The following EYS variants were observed in gnomAD, a reference collection of about 807,000 sequenced individuals.
EYS encodes the protein protein eyes shut homolog.
In EYS, 250 loss-of-function variants were observed where a neutral mutation model predicts 282.1. The observed-to-expected ratio is 0.89, with a 90% CI of 0.80 to 0.98. The LOEUF (loss-of-function observed/expected upper bound fraction) is 0.98, where lower values mean the gene tolerates loss of function less well. EYS is among the 50% of genes least tolerant of loss of function. The probability of loss-of-function intolerance (pLI) is 0.00; values close to 1 mark genes in which losing one functional copy is unlikely to be tolerated. For missense variants in EYS, 4,016 were observed against 3,709.0 expected (o/e 1.08, Z -2.15); for synonymous variants, 1,355 against 1,282.9 (o/e 1.06, Z -1.20).
chr6:64,240,558 T>C lies in EYS; in HGVS notation c.6192-9734A>G, dbSNP rs568531344. 5.9e-5 allele frequency among the ~76,000 whole-genome samples: 9 copies of C among 152,334 alleles called. No individual in the cohort carries two copies. The South Asian group carries it at 1.9e-3, about 32-fold the overall frequency. ...CTCATGATTTGGCTCTCTATTTGTC[T>C]GTTATTGGTGTATAGGAATGCTTGT... On this transcript the variant is annotated intron_variant, in intron 30 of 42. Coordinates refer to ENST00000503581, the MANE Select transcript of EYS (RefSeq NM_001142800.2).
chr6:63,741,947 C>A (rs1769086547), intron 41 of EYS: 2 of 702,410 alleles, frequency 2.8e-6, no homozygotes, highest in Non-Finnish European at 5.2e-6. Context: ...CTGGTTTTGG[C>A]TTTTCCAAGA....
chr6:63,721,296 T>C lies in EYS; in HGVS notation c.8735A>G (p.Gln2912Arg). The C allele has an allele frequency of 6.4e-7, 1 of 1,551,974 alleles. No homozygotes were observed. Among genetic ancestry groups the C allele is most frequent in the Non-Finnish European group, 8.7e-7 (1 of 1,146,992 alleles). The change falls in exon 43 of 43, where the codon CAG becomes CGG. Residue 2912 changes from glutamine (Q) to arginine (R), a missense_variant. Transcript: ENST00000503581. ...LPDWAGNTCNQSVSCLNNLCL... is the reference protein window; with the variant it reads ...LPDWAGNTCNRSVSCLNNLCL... ...AAGATTATTCAAACAGGACACAGAC[T>C]GGTTACATGTATTTCCAGCCCAATC...
intron 2 of EYS, among the ~76,000 whole-genome samples, chr6:65,598,156 TC>T (rs1359922799): frequency 6.7e-6 from 1 of 149,238 alleles, no homozygotes; most frequent in Non-Finnish European, 1.5e-5. Flanking sequence ...TATTTTTAAG[TC>T]CTCACTGCTA....
At chr6:64,017,014 G>A (rs1768925895) in intron 33 of EYS, among the ~76,000 whole-genome samples, 2 of 151,870 alleles carry the variant, frequency 1.3e-5, no homozygotes, top group Non-Finnish European at 2.9e-5. Flanking sequence ...CACTCCGCAT[G>A]TCCTTGGTCT....
chr6:64,938,612 C>G (rs1768988579), intron 15 of EYS, among the ~76,000 whole-genome samples: 1 of 151,360 alleles, frequency 6.6e-6, no homozygotes, highest in African/African-American at 2.4e-5. Context: ...TGTTTTTTTG[C>G]TTTCAGTGGA....
At position 64,077,815 on chromosome 6, in the gene EYS, T is replaced by G. The variant is rs146130694; in HGVS notation, c.6571+4041A>C. Among the ~76,000 whole-genome samples, 634 of 152,128 alleles carry G rather than the reference T, an allele frequency of 4.2e-3. 3 individuals carry two copies. Among genetic ancestry groups the G allele is most frequent in the African/African-American group, 0.015 (603 of 41,540 alleles). On this transcript the variant is annotated intron_variant, in intron 32 of 42. Coordinates refer to ENST00000503581, the MANE Select transcript of EYS (RefSeq NM_001142800.2). ...GAAAGTGCACCTAAAGAATTTTGTG[T>G]GGTCTCATCCCTTCTCTCGTGACCT...
intron 22 of EYS, among the ~76,000 whole-genome samples, chr6:64,738,788 G>T (rs1772272650): frequency 6.6e-6 from 1 of 152,110 alleles, no homozygotes; most frequent in Non-Finnish European, 1.5e-5. Flanking sequence ...ATGTAATTTT[G>T]CCCTTGTTGC....
intron 35 of EYS, among the ~76,000 whole-genome samples, chr6:63,867,282 A>T (rs984216122): frequency 6.6e-5 from 10 of 152,318 alleles, no homozygotes; most frequent in Admixed American, 2.6e-4. Flanking sequence ...GAATATATTT[A>T]TATGAAATAT....
chr6:65,070,756 G>A (rs942688957), intron 12 of EYS, among the ~76,000 whole-genome samples: 5 of 151,746 alleles, frequency 3.3e-5, no homozygotes, highest in African/African-American at 4.8e-5. Context: ...TGCATCGCAT[G>A]ATACCACTCA....
chr6:65,533,195 C>G (rs2127310951), intron 2 of EYS, among the ~76,000 whole-genome samples: 1 of 152,174 alleles, frequency 6.6e-6, no homozygotes, highest in South Asian at 2.1e-4. Flanking sequence ...TCAGAGAATA[C>G]TATAAACACC....
At chr6:65,512,394 C>G (rs1404519954) in intron 2 of EYS, among the ~76,000 whole-genome samples, 1 of 149,398 alleles carries the variant, frequency 6.7e-6, no homozygotes, top group Non-Finnish European at 1.5e-5. Context: ...GAGGCTGAGG[C>G]AGGAGAATGG....
intron 12 of EYS, among the ~76,000 whole-genome samples, chr6:65,143,800 G>A (rs1019340095): frequency 2.6e-5 from 4 of 152,028 alleles, no homozygotes; most frequent in Admixed American, 6.6e-5. Context: ...ACCAGAGAAC[G>A]TGGCTCATTT....
chr6:65,539,607 T>C (rs16896814), intron 2 of EYS, among the ~76,000 whole-genome samples: 31,842 of 152,114 alleles, frequency 0.21, 3,710 homozygotes, highest in East Asian at 0.31. Flanking sequence ...AAAATGGTTC[T>C]TATATATATC....
At chr6:64,314,867 G>A (rs1769877245) in intron 29 of EYS, among the ~76,000 whole-genome samples, 1 of 152,058 alleles carries the variant, frequency 6.6e-6, no homozygotes, top group Non-Finnish European at 1.5e-5. Context: ...AAAAGAACTA[G>A]AGAAGCAAGA....
At chr6:63,872,289 C>A (rs946387866) in intron 35 of EYS, among the ~76,000 whole-genome samples, 3 of 151,814 alleles carry the variant, frequency 2.0e-5, no homozygotes, top group Non-Finnish European at 2.9e-5. Context: ...CCACACTCTC[C>A]ATCGTGCTCT....
At chr6:63,928,429 A>G (rs530113663) in intron 35 of EYS, among the ~76,000 whole-genome samples, 1 of 152,340 alleles carries the variant, frequency 6.6e-6, no homozygotes. Context: ...TTATGACATT[A>G]TCAGACATAC....
At chr6:64,042,996 T>C (rs1770458774) in intron 33 of EYS, among the ~76,000 whole-genome samples, 1 of 152,198 alleles carries the variant, frequency 6.6e-6, no homozygotes, top group Non-Finnish European at 1.5e-5. Flanking sequence ...AGTTATTTAC[T>C]ATCTCTGTGC....
chr6:64,437,764 A>G (rs1294232824), intron 27 of EYS, among the ~76,000 whole-genome samples: 1 of 148,820 alleles, frequency 6.7e-6, no homozygotes, highest in Non-Finnish European at 1.5e-5. Flanking sequence ...TTTTGGCTCT[A>G]TCTCCCAGGC....
intron 12 of EYS, among the ~76,000 whole-genome samples, chr6:65,213,176 A>T (rs1766217101): frequency 6.6e-6 from 1 of 152,146 alleles, no homozygotes; most frequent in South Asian, 2.1e-4. Flanking sequence ...CTTAAAATAG[A>T]ATTTTGAGAT....
Sources: allele counts gnomAD v4.1 joint callset (sites outside exome capture counted in the v4.1 genomes callset), GRCh38; gene constraint gnomAD v4.1.1; transcripts MANE v1.5; gene names NCBI Gene and HGNC (gene_info 2026-07-23, HGNC 2026-07-21).